Variants in DNAJA3 observed in about 807,000 individuals in gnomAD.
DNAJA3 encodes dnaJ homolog subfamily A member 3, mitochondrial.
Under a neutral mutation model 54.9 loss-of-function variants are expected in DNAJA3, and 29 were observed. That is an observed-to-expected ratio of 0.53 (90% CI 0.39 to 0.72). The LOEUF (loss-of-function observed/expected upper bound fraction) is 0.72. Ranked by LOEUF, DNAJA3 falls within the 30% of genes least tolerant of loss-of-function variation. The pLI is 0.00. For missense variants in DNAJA3, 708 were observed against 639.4 expected (o/e 1.11, Z -1.16); for synonymous variants, 302 against 251.4 (o/e 1.20, Z -1.90).
intron 1 of DNAJA3, chr16:4,433,823 A>G (rs2056737420): frequency 6.5e-6 from 1 of 153,520 alleles, no homozygotes; most frequent in Non-Finnish European, 1.4e-5. Flanking sequence ...GAGGAGAATC[A>G]GCCTCATCCA....
At chr16:4,448,321 G>T (rs11645084) in intron 8 of DNAJA3, among the ~76,000 whole-genome samples, 1 of 149,304 alleles carries the variant, frequency 6.7e-6, no homozygotes, top group South Asian at 2.1e-4. Context: ...CACTGCGCCC[G>T]GCCTTTTTTT....
Position 4,425,877 on chromosome 16 carries a change from C to A in DNAJA3, c.-5C>A, listed in dbSNP as rs368604771. ...GCGGCGCAGGCGCAGAGTCCCCGGG[C>A]CAAGATGGCTGCGCGGTGCTCCACA... On this transcript the variant is annotated 5_prime_UTR_variant, in exon 1 of 12. Coordinates refer to ENST00000262375, the MANE Select transcript of DNAJA3 (RefSeq NM_005147.6). 3.3e-6 allele frequency: 5 copies of A among 1,527,748 alleles called. No homozygotes were observed. The African/African-American group carries it at 5.6e-5, about 17-fold the overall frequency. The allele number at this position is 1,527,748 out of a possible 1,614,324, so 94.6% of individuals were successfully genotyped here.
rs202179531 is a variant in DNAJA3, at chr16:4,434,886, C to CTTTTTTTTTT, written c.345+388_345+397dup. On this transcript the variant is annotated intron_variant, in intron 2 of 11. Coordinates refer to ENST00000262375, the MANE Select transcript of DNAJA3 (RefSeq NM_005147.6). ...GGTTTAGAATTACTTCCTTTCCTTT[C>CTTTTTTTTTT]TTTTTTTTTTTTTTTTTTTTTTTTT... 5.5e-4 allele frequency among the ~76,000 whole-genome samples: 55 copies of CTTTTTTTTTT among 100,172 alleles called. 1 individual carries two copies. The highest frequency in any genetic ancestry group is 1.8e-3 in the African/African-American group (43 of 24,324). 65.7% of individuals were successfully genotyped at this position (100,172 alleles called of 152,430 possible). A position where few individuals can be genotyped will look rare whatever the true frequency, so the allele number is the denominator to read the frequency against.
intron 1 of DNAJA3, among the ~76,000 whole-genome samples, chr16:4,428,802 G>A (rs759173109): frequency 5.9e-5 from 9 of 152,186 alleles, no homozygotes; most frequent in South Asian, 2.1e-4. Flanking sequence ...CTATGCTGGC[G>A]CTGAGGCAGG....
intron 3 of DNAJA3, 96 bp downstream of exon 3, chr16:4,437,581 G>A (rs2056786826): frequency 2.0e-6 from 2 of 987,796 alleles, no homozygotes; most frequent in African/African-American, 3.3e-5. Flanking sequence ...GTGTCATACA[G>A]TCCAGTGTGA....
chr16:4,454,430 T>A (rs2057012173), intron 10 of DNAJA3, among the ~76,000 whole-genome samples: 1 of 152,238 alleles, frequency 6.6e-6, no homozygotes, highest in African/African-American at 2.4e-5. Context: ...TTTTTTGTTT[T>A]TTCATCTGTG....
intron 5 of DNAJA3, chr16:4,442,672 T>C (rs551576017): frequency 1.3e-5 from 7 of 524,886 alleles, no homozygotes; most frequent in Non-Finnish European, 2.3e-5. Flanking sequence ...CACTTTCTTC[T>C]TTATTTTTCT....
chr16:4,438,083 G>A (rs1481034760), intron 3 of DNAJA3, among the ~76,000 whole-genome samples: 3 of 152,242 alleles, frequency 2.0e-5, no homozygotes, highest in Admixed American at 6.5e-5. Context: ...TTGGGAGGCC[G>A]AGGCAGGTGG....
chr16:4,434,588 C>G, intron 2 of DNAJA3, 71 bp downstream of exon 2: 2 of 1,561,528 alleles, frequency 1.3e-6, no homozygotes, highest in South Asian at 2.4e-5. Flanking sequence ...TGATCCTGAT[C>G]AGTACAGCGT....
rs912755288 is a variant in DNAJA3, at chr16:4,441,895, CCT to C, written c.630+326_630+327del. Among the ~76,000 whole-genome samples the C allele has an allele frequency of 4.6e-5, 7 of 152,042 alleles. No individual in the cohort carries two copies. In the East Asian group the frequency reaches 5.8e-4, roughly 13 times the overall value. ...TGTCCGGTGGGAAGGCACTGCTGAT[CCT>C]CTCTCATTTATGTCCTTATAAGACA... On this transcript the variant is annotated intron_variant, in intron 4 of 11. Coordinates refer to ENST00000262375, the MANE Select transcript of DNAJA3 (RefSeq NM_005147.6).
chr16:4,443,577 C>A lies in DNAJA3; in HGVS notation c.931+413C>A, dbSNP rs149922920. On this transcript the variant is annotated intron_variant, in intron 6 of 11. Transcript: ENST00000262375. Reference sequence around the variant, plus strand: ...ACCCCTCACTCCATGTCTACTGTTCCCTTGCCCAAAACTCACTTTCTGCTT... The same window carrying A: ...ACCCCTCACTCCATGTCTACTGTTCACTTGCCCAAAACTCACTTTCTGCTT... 3.9e-5 allele frequency among the ~76,000 whole-genome samples: 6 copies of A among 152,258 alleles called. No individual in the cohort carries two copies. The East Asian group carries it at 1.2e-3, about 29-fold the overall frequency.
chr16:4,431,161 A>G (rs936659728), intron 1 of DNAJA3: 1 of 152,194 alleles, frequency 6.6e-6, no homozygotes, highest in Non-Finnish European at 1.5e-5. Flanking sequence ...TCTGCCCGTA[A>G]TGTTGAAGCC....
intron 6 of DNAJA3, 60 bp downstream of exon 6, chr16:4,443,224 C>T (rs2058590663): frequency 1.3e-6 from 2 of 1,596,436 alleles, no homozygotes; most frequent in Admixed American, 3.5e-5. Context: ...GTTGAGGCTA[C>T]CACACCGTGT....
At chr16:4,441,262 CA>C in intron 3 of DNAJA3, 112 bp from the exon 4 acceptor site, 1 of 976,408 alleles carries the variant, frequency 1.0e-6, no homozygotes, top group Non-Finnish European at 1.5e-6. Flanking sequence ...GATGTGTTTG[CA>C]CACAGGGCCA....
chr16:4,447,035 C>T (rs2056910984), intron 8 of DNAJA3, 21 bp downstream of exon 8: 1 of 1,610,258 alleles, frequency 6.2e-7, no homozygotes, highest in African/African-American at 1.3e-5. Context: ...GTGAGAACAC[C>T]TTTGTCACCC....
At chr16:4,443,530 C>T (rs2056863877) in intron 6 of DNAJA3, among the ~76,000 whole-genome samples, 1 of 152,146 alleles carries the variant, frequency 6.6e-6, no homozygotes, top group African/African-American at 2.4e-5. Flanking sequence ...GCCACCCTAT[C>T]TACATCAGCC....
rs2057039471 is a variant in DNAJA3 at position 4,456,613 on chromosome 16, G to A, written c.*1081G>A. On this transcript the variant is annotated 3_prime_UTR_variant, in exon 12 of 12. Coordinates refer to ENST00000262375, the MANE Select transcript of DNAJA3 (RefSeq NM_005147.6). Reference sequence around the variant, plus strand: ...TGTGTTTCAGGATCTTCGGGCTGTCGTTAGACAGGTTAATGAAGAACACTT... The same window carrying A: ...TGTGTTTCAGGATCTTCGGGCTGTCATTAGACAGGTTAATGAAGAACACTT... The A allele has an allele frequency of 1.3e-5, 2 of 152,584 alleles. No homozygotes were observed. The highest frequency in any genetic ancestry group is 2.9e-5 in the Non-Finnish European group (2 of 68,028). The allele number at this position is 152,584 out of a possible 1,614,324, so 9.5% of individuals were successfully genotyped here.
chr16:4,426,014 G>A lies in DNAJA3; in HGVS notation c.133G>A (p.Val45Ile), dbSNP rs148288809. ...VGAWLSRKLS[V>I]PAFASSLTSC... ...GGCATGGCTGAGCCGCAAGCTGAGC[G>A]TCCCCGCCTTTGCGTCTTCCCTGAC... Residue 45 changes from valine to isoleucine, a missense_variant, in exon 1 of 12, where the codon GTC (valine) becomes ATC (isoleucine). Physicochemically the swap from Val to Ile is conservative, Grantham distance 29. Coordinates refer to ENST00000262375, the MANE Select transcript of DNAJA3 (RefSeq NM_005147.6). 11 of 1,607,402 alleles carry A rather than the reference G, an allele frequency of 6.8e-6. No homozygotes were observed. The highest frequency in any genetic ancestry group is 2.7e-5 in the African/African-American group (2 of 74,284).
At chr16:4,443,340 C>G (rs750807423) in intron 6 of DNAJA3, among the ~76,000 whole-genome samples, 176 bp downstream of exon 6, 21 of 151,998 alleles carry the variant, frequency 1.4e-4, no homozygotes, top group Non-Finnish European at 2.1e-4. Flanking sequence ...GAACTGGAGT[C>G]TCCTTGAATC....
Sources: allele counts gnomAD v4.1 joint callset (sites outside exome capture counted in the v4.1 genomes callset), GRCh38; gene constraint gnomAD v4.1.1; transcripts MANE v1.5; gene names NCBI Gene and HGNC (gene_info 2026-07-23, HGNC 2026-07-21).